Variants in RYR3 observed in about 807,000 individuals in gnomAD.
The protein encoded by RYR3 is ryanodine receptor 3.
RYR3 carries 207 observed loss-of-function variants against 584.3 expected under a neutral mutation model. The ratio of observed to expected loss-of-function variants is 0.35; its 90% CI spans 0.32 to 0.40. The LOEUF is 0.40. Ranked by LOEUF, RYR3 falls within the 10% of genes least tolerant of loss-of-function variation. The pLI is 1.00. For missense variants in RYR3, 5,616 were observed against 6,089.2 expected (o/e 0.92, Z 2.59); for synonymous variants, 2,416 against 2,248.5 (o/e 1.07, Z -2.11).
chr15:33,821,695 G>T, intron 80 of RYR3, 93 bp downstream of exon 80: 1 of 1,218,012 alleles, frequency 8.2e-7, no homozygotes, highest in Non-Finnish European at 1.2e-6. Flanking sequence ...CTGCTACAGA[G>T]GGGAGCCACC....
intron 38 of RYR3, among the ~76,000 whole-genome samples, chr15:33,677,980 G>T (rs1442879181): frequency 6.6e-6 from 1 of 152,130 alleles, no homozygotes; most frequent in Non-Finnish European, 1.5e-5. Flanking sequence ...ACTTAGATTT[G>T]TTTATTCAAT....
rs2153031945 is a variant in RYR3, at chr15:33,866,092, A to G, written c.*866A>G. ...GAAGTGCCCACTGCAATAAAGTAATACGTACCAATACCTCCAGGGTCTGGA... is the reference window on the plus strand; with the variant it reads ...GAAGTGCCCACTGCAATAAAGTAATGCGTACCAATACCTCCAGGGTCTGGA... On this transcript the variant is annotated 3_prime_UTR_variant, in exon 104 of 104. Coordinates refer to ENST00000634891, the MANE Select transcript of RYR3 (RefSeq NM_001036.6). The G allele has an allele frequency of 6.3e-6, 1 of 158,426 alleles. No individual in the cohort carries two copies. Among genetic ancestry groups the G allele is most frequent in the African/African-American group, 2.4e-5 (1 of 41,614 alleles). 9.8% of individuals were successfully genotyped at this position (158,426 alleles called of 1,614,324 possible). A position where few individuals can be genotyped will look rare whatever the true frequency, so the allele number is the denominator to read the frequency against.
chr15:33,671,061 C>CT (rs2063808250), intron 38 of RYR3, among the ~76,000 whole-genome samples: 1 of 152,008 alleles, frequency 6.6e-6, no homozygotes, highest in Non-Finnish European at 1.5e-5. Context: ...ATCCTAGAAA[C>CT]TTTGACTTCC....
At chr15:33,603,844 TC>T (rs1243034206) in intron 18 of RYR3, among the ~76,000 whole-genome samples, 3 of 152,254 alleles carry the variant, frequency 2.0e-5, no homozygotes, top group African/African-American at 7.2e-5. Flanking sequence ...CATAATCTTG[TC>T]AACACAGCCT....
intron 24 of RYR3, among the ~76,000 whole-genome samples, chr15:33,633,620 A>G (rs983551364): frequency 1.3e-5 from 2 of 152,214 alleles, no homozygotes; most frequent in African/African-American, 4.8e-5. Context: ...ACATTAGTTA[A>G]TTCATACCGG....
rs61561839 is a variant in RYR3 at position 33,716,093 on chromosome 15, G to A, written c.6620-6622G>A. ...GTACCTTCCTCCCACTCTTTCTCTC[G>A]TTCTCTGAGACACCTGCTCCCCCTT... On this transcript the variant is annotated intron_variant, in intron 43 of 103. Coordinates refer to ENST00000634891, the MANE Select transcript of RYR3 (RefSeq NM_001036.6). Among the ~76,000 whole-genome samples the A allele has an allele frequency of 1.0e-3, 159 of 152,126 alleles. 1 individual carries two copies. The highest frequency in any genetic ancestry group is 3.8e-3 in the African/African-American group (156 of 41,484).
chr15:33,496,151 T>C (rs1165630125), intron 2 of RYR3, among the ~76,000 whole-genome samples: 1 of 152,232 alleles, frequency 6.6e-6, no homozygotes, highest in African/African-American at 2.4e-5. Flanking sequence ...TTCTCATCCA[T>C]GTCTTTGAGT....
At chr15:33,465,347 A>T (rs2048396112) in intron 1 of RYR3, among the ~76,000 whole-genome samples, 1 of 151,970 alleles carries the variant, frequency 6.6e-6, no homozygotes, top group Non-Finnish European at 1.5e-5. Flanking sequence ...TATATATTTA[A>T]TTTTTTGAAA....
intron 86 of RYR3, among the ~76,000 whole-genome samples, chr15:33,831,495 A>G (rs1267501690): frequency 6.6e-6 from 1 of 152,236 alleles, no homozygotes; most frequent in African/African-American, 2.4e-5. Context: ...GGGATAAATG[A>G]TGTTCTCTTG....
intron 1 of RYR3, among the ~76,000 whole-genome samples, chr15:33,336,418 G>A (rs74546128): frequency 9.2e-5 from 1 of 10,914 alleles, no homozygotes; most frequent in South Asian, 2.4e-3. Flanking sequence ...AGAGCGAGAC[G>A]AAAGAAAGAA....
intron 1 of RYR3, among the ~76,000 whole-genome samples, chr15:33,330,240 T>G (rs1014345003): frequency 1.3e-5 from 2 of 152,214 alleles, no homozygotes; most frequent in African/African-American, 4.8e-5. Flanking sequence ...TGTGCTTCAC[T>G]GTCTTCTATT....
intron 2 of RYR3, among the ~76,000 whole-genome samples, chr15:33,496,020 C>T (rs1195932371): frequency 6.6e-6 from 1 of 152,194 alleles, no homozygotes; most frequent in Non-Finnish European, 1.5e-5. Flanking sequence ...TCCACCTATC[C>T]TGATGCTGTC....
At chr15:33,351,454 CA>C (rs1351944313) in intron 1 of RYR3, among the ~76,000 whole-genome samples, 2 of 150,196 alleles carry the variant, frequency 1.3e-5, no homozygotes, top group African/African-American at 4.9e-5. Context: ...GAGACACAAC[CA>C]AAAAAGAGAA....
chr15:33,624,619 A>G (rs1199907548), intron 20 of RYR3, among the ~76,000 whole-genome samples: 2 of 152,174 alleles, frequency 1.3e-5, no homozygotes, highest in Admixed American at 6.5e-5. Context: ...GAAGAGTTGG[A>G]AAATAAAAGG....
At chr15:33,506,043 T>C (rs1052166803) in intron 3 of RYR3, among the ~76,000 whole-genome samples, 2 of 152,332 alleles carry the variant, frequency 1.3e-5, no homozygotes, top group South Asian at 4.1e-4. Flanking sequence ...TTTTTCTTTA[T>C]CATTTAGCTT....
intron 69 of RYR3, among the ~76,000 whole-genome samples, chr15:33,805,766 C>T (rs986223212): frequency 1.3e-5 from 2 of 152,162 alleles, no homozygotes; most frequent in African/African-American, 2.4e-5. Flanking sequence ...CTTGAGCCAC[C>T]ACACCCGGCC....
chr15:33,512,217 G>C (rs551606152), intron 3 of RYR3, among the ~76,000 whole-genome samples: 36 of 152,254 alleles, frequency 2.4e-4, no homozygotes, highest in Admixed American at 4.6e-4. Context: ...ACCTCTTCCA[G>C]TGCTATTATG....
At chr15:33,613,802 A>G (rs1262341898) in intron 19 of RYR3, among the ~76,000 whole-genome samples, 2 of 152,208 alleles carry the variant, frequency 1.3e-5, no homozygotes, top group South Asian at 2.1e-4. Context: ...TTTAATTGGT[A>G]TTACACCGAA....
At chr15:33,693,869 ATGGCAAGTC>A (rs2065631235) in intron 38 of RYR3, among the ~76,000 whole-genome samples, 1 of 152,186 alleles carries the variant, frequency 6.6e-6, no homozygotes, top group African/African-American at 2.4e-5. Flanking sequence ...TTTCAGTCCA[ATGGCAAGTC>A]TGGATGTTAG....
Sources: gnomAD v4.1 joint callset for allele counts (sites outside exome capture counted in the v4.1 genomes callset) on GRCh38, gnomAD v4.1.1 for gene constraint, MANE v1.5 for transcripts, NCBI Gene and HGNC (gene_info 2026-07-23, HGNC 2026-07-21) for gene names.